The following SOHLH2 variants were observed in gnomAD, a reference collection of about 807,000 sequenced individuals.
SOHLH2 encodes spermatogenesis and oogenesis specific basic helix-loop-helix 2, also known as spermatogenesis- and oogenesis-specific basic helix-loop-helix-containing protein 2.
In SOHLH2, 22 loss-of-function variants were observed where a neutral mutation model predicts 50.4. That is an observed-to-expected ratio of 0.44 (90% CI 0.31 to 0.62). SOHLH2 has a LOEUF of 0.62. SOHLH2 is among the 20% of genes least tolerant of loss of function. The pLI, the probability that SOHLH2 is intolerant of heterozygous loss-of-function variation, is 0.08. For synonymous variants in SOHLH2, 185 were observed against 187.3 expected (o/e 0.99, Z 0.10); for missense variants, 412 against 504.4 (o/e 0.82, Z 1.76).
chr13:36,196,082 T>A (rs1356882237), intron 2 of SOHLH2, among the ~76,000 whole-genome samples: 1 of 140,236 alleles, frequency 7.1e-6, no homozygotes, highest in Non-Finnish European at 1.5e-5. Context: ...AATATATACA[T>A]TTTAGACAGA....
rs370784325 is a variant in SOHLH2 at position 36,175,815 on chromosome 13, G to C, written c.642-946C>G. Among the ~76,000 whole-genome samples, 32 of 152,254 alleles carry C rather than the reference G, an allele frequency of 2.1e-4. 1 individual carries two copies. In the South Asian group the frequency reaches 6.2e-3, roughly 30 times the overall value. ...CTGAGGAACTCTGGGGGCTCTGCGG[G>C]GGTGTCTCGGGAACTATTCTGGGAA... On this transcript the variant is annotated intron_variant, in intron 6 of 10. Transcript: ENST00000379881.
intron 2 of SOHLH2, among the ~76,000 whole-genome samples, chr13:36,196,097 A>AAGATAGATAGATAGAT (rs35207535): frequency 0.018 from 2,681 of 145,678 alleles, 29 homozygotes; most frequent in Middle Eastern, 0.043. Context: ...GACAGACAGA[A>AAGATAGATAGATAGAT]AGATAGATAG....
Position 36,187,689 on chromosome 13 carries a change from G to A in SOHLH2, c.641+2257C>T, listed in dbSNP as rs140843304. On this transcript the variant is annotated intron_variant, in intron 6 of 10. Coordinates refer to ENST00000379881, the MANE Select transcript of SOHLH2 (RefSeq NM_017826.3). ...ACTTCCTCCCTGATCGGGCCCCATC[G>A]AAAAATTCATGTGAATTCACATTGA... Among the ~76,000 whole-genome samples the A allele has an allele frequency of 1.9e-3, 291 of 152,220 alleles. 1 individual carries two copies. Among genetic ancestry groups the A allele is most frequent in the African/African-American group, 6.4e-3 (264 of 41,560 alleles).
intron 2 of SOHLH2, among the ~76,000 whole-genome samples, chr13:36,194,072 A>C (rs1260190040): frequency 1.3e-5 from 2 of 150,956 alleles, no homozygotes; most frequent in Admixed American, 6.6e-5. Flanking sequence ...TTAAAAATGA[A>C]AAAAAAAAGC....
chr13:36,179,757 G>A (rs977740761), intron 6 of SOHLH2, among the ~76,000 whole-genome samples: 20 of 151,938 alleles, frequency 1.3e-4, no homozygotes, highest in African/African-American at 4.4e-4. Context: ...GCTTTTCTAG[G>A]ATGAACCCCT....
chr13:36,188,833 T>C (rs1278647980), intron 6 of SOHLH2, among the ~76,000 whole-genome samples: 3 of 152,162 alleles, frequency 2.0e-5, no homozygotes, highest in Non-Finnish European at 4.4e-5. Context: ...TCATCCTATA[T>C]CCATCCCTAT....
In SOHLH2 at chr13:36,168,853, C is replaced by T. The variant is rs1018717361; in HGVS notation, c.*181G>A. The stretch of plus-strand genomic sequence containing the variant: ...AGTGACAGTGTGTGGCCAGCTTTTT[C>T]GCTGCTGGTCTTTCTATCTGCAGAA... On this transcript the variant is annotated 3_prime_UTR_variant, in exon 11 of 11. Coordinates refer to ENST00000379881, the MANE Select transcript of SOHLH2 (RefSeq NM_017826.3). 79 of 1,059,476 alleles carry T rather than the reference C, an allele frequency of 7.5e-5. No homozygotes were observed. The highest frequency in any genetic ancestry group is 2.2e-4 in the Middle Eastern group (1 of 4,564). 65.6% of individuals were successfully genotyped at this position (1,059,476 alleles called of 1,614,324 possible).
chr13:36,173,536 C>A (rs538012165), intron 9 of SOHLH2, among the ~76,000 whole-genome samples, 156 bp downstream of exon 9: 2 of 152,358 alleles, frequency 1.3e-5, no homozygotes, highest in South Asian at 4.1e-4. Flanking sequence ...ATTTAAACAA[C>A]TGTAGCCACC....
Position 36,168,642 on chromosome 13 carries a change from C to T in SOHLH2, c.*392G>A, listed in dbSNP as rs1376825026. On this transcript the variant is annotated 3_prime_UTR_variant, in exon 11 of 11. Transcript: ENST00000379881. Reference sequence around the variant, plus strand: ...AGAATCAAGTTGTAATATCTGTACTCAGTGACACAAGGTATCAACACACCT... The same window carrying T: ...AGAATCAAGTTGTAATATCTGTACTTAGTGACACAAGGTATCAACACACCT... 1 of 221,084 alleles carries T rather than the reference C, an allele frequency of 4.5e-6. No homozygotes were observed. Among genetic ancestry groups the T allele is most frequent in the East Asian group, 9.5e-5 (1 of 10,530 alleles). The allele number at this position is 221,084 out of a possible 1,614,324, so 13.7% of individuals were successfully genotyped here.
In SOHLH2 at chr13:36,214,490, T is replaced by C; in HGVS notation, c.37A>G (p.Ile13Val). The change falls in exon 1 of 11, where the codon ATC (isoleucine) becomes GTC (valine). Residue 13 changes from isoleucine (I) to valine (V), a missense_variant. Coordinates refer to ENST00000379881, the MANE Select transcript of SOHLH2 (RefSeq NM_017826.3). ...SSIICQEHCQISGQAKIDILL... is the reference protein window; with the variant it reads ...SSIICQEHCQVSGQAKIDILL... ...CCACAGCCTCTTACCTGGCCCGAGA[T>C]CTGGCAGTGCTCCTGGCAGATAATT... 2 of 1,612,658 alleles carry C rather than the reference T, an allele frequency of 1.2e-6. No individual in the cohort carries two copies. The highest frequency in any genetic ancestry group is 1.7e-6 in the Non-Finnish European group (2 of 1,179,474).
intron 6 of SOHLH2, among the ~76,000 whole-genome samples, chr13:36,177,380 G>C (rs1298766188): frequency 1.3e-5 from 2 of 152,042 alleles, no homozygotes; most frequent in African/African-American, 4.8e-5. Context: ...AAGGATGCTA[G>C]AACATTCTAG....
chr13:36,193,540 C>A, intron 4 of SOHLH2, 81 bp downstream of exon 4: 1 of 1,393,134 alleles, frequency 7.2e-7, no homozygotes, highest in Non-Finnish European at 9.7e-7. Flanking sequence ...TTTATTTATG[C>A]TTGTTTTTGT....
chr13:36,172,469 G>T (rs952994145), intron 9 of SOHLH2, among the ~76,000 whole-genome samples: 1 of 152,070 alleles, frequency 6.6e-6, no homozygotes, highest in African/African-American at 2.4e-5. Flanking sequence ...ATCAGGGCTG[G>T]GTTCTATCTG....
chr13:36,175,871 A>G (rs555226715), intron 6 of SOHLH2, among the ~76,000 whole-genome samples: 1 of 152,302 alleles, frequency 6.6e-6, no homozygotes, highest in African/African-American at 2.4e-5. Flanking sequence ...CAATTTGACA[A>G]CGTGTGTGAA....
chr13:36,214,405 C>T (rs1329089002), intron 1 of SOHLH2, 74 bp downstream of exon 1: 5 of 1,542,344 alleles, frequency 3.2e-6, no homozygotes, highest in Non-Finnish European at 4.4e-6. Flanking sequence ...GCTTTGAGGG[C>T]CGAGGGGACC....
chr13:36,209,547 A>T (rs1226368135), intron 1 of SOHLH2, among the ~76,000 whole-genome samples: 1 of 152,122 alleles, frequency 6.6e-6, no homozygotes, highest in Non-Finnish European at 1.5e-5. Context: ...GAAGCAAGGG[A>T]TCTTTCTTGG....
chr13:36,181,001 A>G (rs1175988715), intron 6 of SOHLH2, among the ~76,000 whole-genome samples: 2 of 152,118 alleles, frequency 1.3e-5, no homozygotes, highest in Non-Finnish European at 2.9e-5. Context: ...AAAATTATCT[A>G]TTTGTCCATT....
At position 36,186,309 on chromosome 13, in the gene SOHLH2, A is replaced by G. The variant is rs543074201; in HGVS notation, c.641+3637T>C. 3.9e-5 allele frequency among the ~76,000 whole-genome samples: 6 copies of G among 152,336 alleles called. No individual in the cohort carries two copies. In the East Asian group the frequency reaches 1.2e-3, roughly 29 times the overall value. ...TTAAGCTGATAAAAAAGCATGCACA[A>G]AAGGCCACAGCTTACATCATATGTG... On this transcript the variant is annotated intron_variant, in intron 6 of 10. Coordinates refer to ENST00000379881, the MANE Select transcript of SOHLH2 (RefSeq NM_017826.3).
At position 36,174,999 on chromosome 13, in the gene SOHLH2, A is replaced by G. The variant is rs1039272443; in HGVS notation, c.642-130T>C. The G allele has an allele frequency of 2.3e-6, 3 of 1,321,596 alleles. No homozygotes were observed. In the African/African-American group the frequency reaches 4.5e-5, roughly 20 times the overall value. The allele number at this position is 1,321,596 out of a possible 1,614,324, so 81.9% of individuals were successfully genotyped here. On this transcript the variant is annotated intron_variant, in intron 6 of 10. Transcript: ENST00000379881. Reference sequence around the variant, plus strand: ...CCCCTCCCTATATAGTCTCCATTTCAGAGAAAGGCTGTGTCCCCACAAGCC... The same window carrying G: ...CCCCTCCCTATATAGTCTCCATTTCGGAGAAAGGCTGTGTCCCCACAAGCC...
Sources: gnomAD v4.1 joint callset for allele counts (sites outside exome capture counted in the v4.1 genomes callset) on GRCh38, gnomAD v4.1.1 for gene constraint, MANE v1.5 for transcripts, NCBI Gene and HGNC (gene_info 2026-07-23, HGNC 2026-07-21) for gene names.